The following MACROD2 variants were observed in gnomAD, a reference collection of about 807,000 sequenced individuals.
The protein encoded by MACROD2 is ADP-ribose glycohydrolase MACROD2.
Under a neutral mutation model 70.4 loss-of-function variants are expected in MACROD2, and 36 were observed. That is an observed-to-expected ratio of 0.51 (90% CI 0.39 to 0.68). The LOEUF (loss-of-function observed/expected upper bound fraction) is 0.68. Ranked by LOEUF, MACROD2 falls within the 30% of genes least tolerant of loss-of-function variation. The pLI, the probability that MACROD2 is intolerant of heterozygous loss-of-function variation, is 0.00. For missense variants in MACROD2, 496 were observed against 538.4 expected, an observed-to-expected ratio of 0.92 and a Z score of 0.78; for synonymous variants, 172 against 178.8, an observed-to-expected ratio of 0.96 and a Z score of 0.30.
At chr20:14,772,083 G>T (rs2072176052) in intron 5 of MACROD2, among the ~76,000 whole-genome samples, 1 of 152,004 alleles carries the variant, frequency 6.6e-6, no homozygotes, top group Non-Finnish European at 1.5e-5. Flanking sequence ...ATCCTAGAAA[G>T]AGACAATAAA....
intron 3 of MACROD2, among the ~76,000 whole-genome samples, chr20:14,198,510 C>A (rs955856735): frequency 3.3e-5 from 5 of 152,138 alleles, no homozygotes; most frequent in Admixed American, 3.3e-4. Flanking sequence ...CTTTCAGAAT[C>A]TAAAACTCTG....
At chr20:14,638,584 A>G (rs534406149) in intron 4 of MACROD2, among the ~76,000 whole-genome samples, 31 of 152,186 alleles carry the variant, frequency 2.0e-4, no homozygotes, top group African/African-American at 6.5e-4. Flanking sequence ...TTACCCTCTC[A>G]TTTGCTCAGT....
chr20:14,046,677 TTCA>T (rs1569133110), intron 2 of MACROD2, among the ~76,000 whole-genome samples: 1 of 152,112 alleles, frequency 6.6e-6, no homozygotes, highest in African/African-American at 2.4e-5. Flanking sequence ...CATCACTTTG[TTCA>T]TCTTCCTTTT....
intron 5 of MACROD2, among the ~76,000 whole-genome samples, chr20:15,084,077 T>TTTTTTTTTTTTGTTTTG (rs1555780896): frequency 5.2e-4 from 76 of 145,784 alleles, no homozygotes; most frequent in African/African-American, 1.5e-3. Flanking sequence ...TTTTTGTTTT[T>TTTTTTTTTTTTGTTTTG]TTTTTTTAAT....
intron 2 of MACROD2, among the ~76,000 whole-genome samples, chr20:14,039,889 A>G (rs1197889351): frequency 1.3e-5 from 2 of 151,886 alleles, no homozygotes; most frequent in African/African-American, 2.4e-5. Flanking sequence ...AAAGAAATGG[A>G]TATTTTATTT....
chr20:15,613,268 G>A (rs1246319938), intron 8 of MACROD2, among the ~76,000 whole-genome samples: 2 of 152,098 alleles, frequency 1.3e-5, no homozygotes, highest in South Asian at 2.1e-4. Flanking sequence ...AATTTCCAAC[G>A]TCTTTGTCTA....
chr20:14,750,923 G>GT (rs966978556), intron 5 of MACROD2, among the ~76,000 whole-genome samples: 2 of 151,874 alleles, frequency 1.3e-5, no homozygotes, highest in African/African-American at 4.8e-5. Flanking sequence ...TTTTAGTATT[G>GT]TAATTTTTTA....
At chr20:15,392,186 CAGTT>C (rs1207333798) in intron 6 of MACROD2, among the ~76,000 whole-genome samples, 2 of 152,124 alleles carry the variant, frequency 1.3e-5, no homozygotes, top group African/African-American at 4.8e-5. Flanking sequence ...AAGATTCTGA[CAGTT>C]AGAGGAACTA....
rs1034230171 is a variant in MACROD2, at chr20:15,557,607, C to T, written c.645+57760C>T. Among the ~76,000 whole-genome samples, 4 of 152,224 alleles carry T rather than the reference C, an allele frequency of 2.6e-5. No homozygotes were observed. The South Asian group carries it at 6.2e-4, about 24-fold the overall frequency. On this transcript the variant is annotated intron_variant, in intron 8 of 17. Transcript: ENST00000684519. ...CCTGAGACCCTAGAGCTAAGTCAGACATTCTAGGACCTAAGCCAAAGGGCC... is the reference window on the plus strand; with the variant it reads ...CCTGAGACCCTAGAGCTAAGTCAGATATTCTAGGACCTAAGCCAAAGGGCC...
chr20:15,127,814 C>CA (rs2123267076), intron 5 of MACROD2, among the ~76,000 whole-genome samples: 1 of 152,150 alleles, frequency 6.6e-6, no homozygotes, highest in Non-Finnish European at 1.5e-5. Flanking sequence ...AATGCTGGTG[C>CA]ATTGTGGGAG....
chr20:15,946,121 T>C (rs948093965), intron 12 of MACROD2, among the ~76,000 whole-genome samples: 4 of 152,270 alleles, frequency 2.6e-5, no homozygotes, highest in Non-Finnish European at 4.4e-5. Flanking sequence ...AAGCACTTTG[T>C]ATTATATTCC....
At chr20:14,682,433 T>A (rs1405212731) in intron 4 of MACROD2, among the ~76,000 whole-genome samples, 1 of 151,382 alleles carries the variant, frequency 6.6e-6, no homozygotes, top group Admixed American at 6.6e-5. Context: ...TGAATATATA[T>A]ATACACATTA....
chr20:15,673,682 C>T (rs2050014182), intron 8 of MACROD2, among the ~76,000 whole-genome samples: 1 of 151,548 alleles, frequency 6.6e-6, no homozygotes, highest in African/African-American at 2.4e-5. Flanking sequence ...TGAAGTACTT[C>T]AGCATATTTT....
chr20:14,064,246 A>G (rs891498952), intron 2 of MACROD2, among the ~76,000 whole-genome samples: 1 of 151,836 alleles, frequency 6.6e-6, no homozygotes, highest in African/African-American at 2.4e-5. Context: ...TTTGTTCTCC[A>G]GTTTTCTGTC....
At chr20:14,277,857 G>A (rs574363023) in intron 3 of MACROD2, among the ~76,000 whole-genome samples, 18 of 152,330 alleles carry the variant, frequency 1.2e-4, no homozygotes, top group African/African-American at 3.4e-4. Context: ...CCATATGGAG[G>A]AAAGGAAAGC....
At chr20:15,354,114 T>G (rs1448423441) in intron 6 of MACROD2, among the ~76,000 whole-genome samples, 2 of 151,358 alleles carry the variant, frequency 1.3e-5, no homozygotes, top group African/African-American at 2.4e-5. Flanking sequence ...TGTCCATCAA[T>G]GATAGACTGG....
intron 8 of MACROD2, among the ~76,000 whole-genome samples, chr20:15,742,786 G>C (rs1350707940): frequency 7.2e-5 from 11 of 152,166 alleles, no homozygotes; most frequent in Admixed American, 7.2e-4. Context: ...TAAATAAACA[G>C]GATATTAATC....
At chr20:16,025,131 G>A (rs2067059323) in intron 15 of MACROD2, among the ~76,000 whole-genome samples, 1 of 152,190 alleles carries the variant, frequency 6.6e-6, no homozygotes, top group African/African-American at 2.4e-5. Context: ...GAAAATTCTG[G>A]ATGCTATTTT....
At chr20:14,444,945 C>G (rs1263239460) in intron 3 of MACROD2, among the ~76,000 whole-genome samples, 1 of 151,990 alleles carries the variant, frequency 6.6e-6, no homozygotes, top group Non-Finnish European at 1.5e-5. Flanking sequence ...CATCCTGCTT[C>G]AAGCCAGCAT....
Sources: gnomAD v4.1 joint callset for allele counts (sites outside exome capture counted in the v4.1 genomes callset) on GRCh38, gnomAD v4.1.1 for gene constraint, MANE v1.5 for transcripts, NCBI Gene and HGNC (gene_info 2026-07-23, HGNC 2026-07-21) for gene names.